CDH5: variants seen among roughly 807,000 people sequenced by gnomAD.
CDH5 encodes cadherin 5, also known as cadherin-5.
In CDH5, 28 loss-of-function variants were observed where a neutral mutation model predicts 62.0. The ratio of observed to expected loss-of-function variants is 0.45; its 90% confidence interval spans 0.33 to 0.62. The LOEUF is 0.62. Among genes scored for constraint, CDH5 ranks in the 20% least tolerant of loss-of-function variants. The pLI, the probability that CDH5 is intolerant of heterozygous loss-of-function variation, is 0.02. For missense variants in CDH5, 940 were observed against 1,065.1 expected, an observed-to-expected ratio of 0.88 and a Z score of 1.63; for synonymous variants, 464 against 445.8, an observed-to-expected ratio of 1.04 and a Z score of -0.52.
chr16:66,392,753 C>G (rs1453764373), intron 7 of CDH5: 1 of 224,210 alleles, frequency 4.5e-6, no homozygotes, highest in African/African-American at 2.2e-5. Context: ...TTGAATCTAT[C>G]TTCCCCAAAC....
chr16:66,392,114 A>G (rs1328340033), intron 6 of CDH5, 22 bp from the exon 7 acceptor site: 1 of 1,613,704 alleles, frequency 6.2e-7, no homozygotes, highest in Non-Finnish European at 8.5e-7. Context: ...GCAGGCACTC[A>G]CCATCCTTTT....
In CDH5 at chr16:66,392,425, G is replaced by A. The variant is rs953888898; in HGVS notation, c.1217+42G>A. The stretch of plus-strand genomic sequence containing the variant: ...CGATGAGAATGATAAGGACAATCCG[G>A]CCTGGATGTTCCTATGCCTGCTGGT... On this transcript the variant is annotated intron_variant, in intron 7 of 11. Coordinates refer to ENST00000341529, the MANE Select transcript of CDH5 (RefSeq NM_001795.5). 1.2e-5 allele frequency: 19 copies of A among 1,608,680 alleles called. 1 individual carries two copies. Among genetic ancestry groups the A allele is most frequent in the Admixed American group, 5.0e-5 (3 of 59,904 alleles).
At chr16:66,375,886 C>T (rs1270421398) in intron 1 of CDH5, among the ~76,000 whole-genome samples, 4 of 151,510 alleles carry the variant, frequency 2.6e-5, no homozygotes, top group Non-Finnish European at 4.4e-5. Flanking sequence ...CGCGGCGGAT[C>T]GCCTGAGGTC....
chr16:66,402,495 CA>C (rs1961302469), intron 11 of CDH5, among the ~76,000 whole-genome samples, 156 bp from the exon 12 acceptor site: 1 of 103,126 alleles, frequency 9.7e-6, no homozygotes, highest in East Asian at 3.0e-4. Context: ...GAAGGGGGGC[CA>C]AAAGGATGGG....
intron 5 of CDH5, among the ~76,000 whole-genome samples, chr16:66,390,077 G>T (rs1048630400): frequency 2.6e-5 from 4 of 152,198 alleles, no homozygotes; most frequent in Non-Finnish European, 4.4e-5. Context: ...CTAGAGACAG[G>T]CCAATTGTCC....
rs184642597 is a variant in CDH5, at chr16:66,387,054, G to T, written c.456G>T (p.Thr152=). 1.2e-6 allele frequency: 2 copies of T among 1,614,058 alleles called. No individual in the cohort carries two copies. The highest frequency in any genetic ancestry group is 2.2e-5 in the South Asian group (2 of 91,066). Residue 152 remains threonine (T), a synonymous_variant, in exon 3 of 12, where the codon ACG becomes ACT. Coordinates refer to ENST00000341529, the MANE Select transcript of CDH5 (RefSeq NM_001795.5). ...HDVNDNWPVF[T]HRLFNASVPE... Reference sequence around the variant, plus strand: ...TGAACGACAACTGGCCTGTGTTCACGCATCGGTTGTTCAATGCGTCCGTGC... The same window carrying T: ...TGAACGACAACTGGCCTGTGTTCACTCATCGGTTGTTCAATGCGTCCGTGC...
At position 66,403,146 on chromosome 16, in the gene CDH5, C is replaced by A. The variant is rs773256822; in HGVS notation, c.2332C>A (p.Pro778Thr). The A allele has an allele frequency of 1.2e-6, 2 of 1,612,228 alleles. No individual in the cohort carries two copies. Among genetic ancestry groups the A allele is most frequent in the Non-Finnish European group, 1.7e-6 (2 of 1,179,624 alleles). ...GCTGGCTGAGCTGTACGGCTCGGAC[C>A]CCCGGGAGGAGCTGCTGTATTAGGC... ...KMLAELYGSD[P>T]REELLY is the part of the protein sequence containing the mutation. The change falls in exon 12 of 12, where the codon CCC becomes ACC. Residue 778 changes from proline (P) to threonine (T), a missense_variant. By Grantham distance (38) the Pro-to-Thr change is conservative. Coordinates refer to ENST00000341529, the MANE Select transcript of CDH5 (RefSeq NM_001795.5). This position sits in a 1 kb window ranked among gnomAD's most constrained non-coding sequence, Gnocchi z 4.3.
rs1253882421 is a variant in CDH5, at chr16:66,401,032, G to A, written c.1837+16G>A. 2 of 1,613,656 alleles carry A rather than the reference G, an allele frequency of 1.2e-6. No homozygotes were observed. The highest frequency in any genetic ancestry group is 2.2e-5 in the East Asian group (1 of 44,882). On this transcript the variant is annotated intron_variant, in intron 11 of 11. Coordinates refer to ENST00000341529, the MANE Select transcript of CDH5 (RefSeq NM_001795.5). ...ACCATCACAGGTCAGTGCTGGGCAG[G>A]GTGGGGAGAAGACACAGTGGGTGGA... is the stretch of plus-strand genomic sequence containing the variant.
chr16:66,399,859 A>G (rs942105737), intron 10 of CDH5, among the ~76,000 whole-genome samples: 3 of 152,262 alleles, frequency 2.0e-5, no homozygotes, highest in Non-Finnish European at 4.4e-5. Context: ...AATATAATAG[A>G]CTTAATGCTG....
At position 66,384,784 on chromosome 16, in the gene CDH5, G is replaced by T. The variant is rs182366243; in HGVS notation, c.211-2025G>T. The stretch of plus-strand genomic sequence containing the variant: ...AGTTTGAGACCAGCCTGGCCAACAT[G>T]GTGAAACCCTGTCTCTACTAAAAAT... On this transcript the variant is annotated intron_variant, in intron 2 of 11. Transcript: ENST00000341529. Among the ~76,000 whole-genome samples, 842 of 151,830 alleles carry T rather than the reference G, an allele frequency of 5.5e-3. 12 individuals are homozygous for T. The highest frequency in any genetic ancestry group is 0.02 in the African/African-American group (818 of 41,412).
At chr16:66,371,349 C>A (rs1960685766) in intron 1 of CDH5, among the ~76,000 whole-genome samples, 1 of 152,150 alleles carries the variant, frequency 6.6e-6, no homozygotes, top group African/African-American at 2.4e-5. Context: ...AGCAGGCACA[C>A]CTCCTGCATG....
rs1961311817 is a variant in CDH5 at position 66,402,785 on chromosome 16, C to G, written c.1971C>G (p.Ser657Arg). The G allele has an allele frequency of 6.2e-7, 1 of 1,606,388 alleles. No homozygotes were observed. The highest frequency in any genetic ancestry group is 1.3e-5 in the African/African-American group (1 of 74,848). The change falls in exon 12 of 12, where the codon AGC (serine) becomes AGG (arginine). Residue 657 changes from serine (S) to arginine (R), a missense_variant. Transcript: ENST00000341529. Reference protein sequence around the residue: ...EEGGGEMDTTSYDVSVLNSVR... With the variant: ...EEGGGEMDTTRYDVSVLNSVR... ...GCGGCGGCGAGATGGACACCACCAG[C>G]TACGATGTGTCGGTGCTCAACTCGG...
chr16:66,392,430 G>A (rs1961105310), intron 7 of CDH5, 47 bp downstream of exon 7: 1 of 1,607,394 alleles, frequency 6.2e-7, no homozygotes, highest in Non-Finnish European at 8.5e-7. Context: ...ATCCGGCCTG[G>A]ATGTTCCTAT....
intron 8 of CDH5, among the ~76,000 whole-genome samples, chr16:66,397,737 G>GC (rs1340835123): frequency 6.6e-6 from 1 of 151,800 alleles, no homozygotes; most frequent in African/African-American, 2.4e-5. Context: ...TTTTTTTAAT[G>GC]CACTTAGGTG....
Position 66,390,666 on chromosome 16 carries a change from G to T in CDH5, c.969+76G>T, listed in dbSNP as rs1050167820. The T allele has an allele frequency of 2.2e-6, 3 of 1,388,938 alleles. No homozygotes were observed. The African/African-American group carries it at 4.2e-5, about 20-fold the overall frequency. 86.0% of individuals were successfully genotyped at this position (1,388,938 alleles called of 1,614,324 possible). On this transcript the variant is annotated intron_variant, in intron 6 of 11. Transcript: ENST00000341529. ...CACCCACAGGTCCTGCTTGGGGATT[G>T]CTCCTGGGCCAGAGACCATCAAAGG...
chr16:66,371,383 C>T (rs976199653), intron 1 of CDH5, among the ~76,000 whole-genome samples: 6 of 152,122 alleles, frequency 3.9e-5, no homozygotes, highest in African/African-American at 1.4e-4. Context: ...CCTCCCAGCG[C>T]CCTGCCCCTC....
chr16:66,389,584 G>T (rs1475595497), intron 5 of CDH5, 62 bp downstream of exon 5: 2 of 1,373,900 alleles, frequency 1.5e-6, no homozygotes, highest in Non-Finnish European at 2.0e-6. Context: ...CAGTGACTTG[G>T]GGCTCTGGGA....
chr16:66,367,113 C>T (rs888160433), intron 1 of CDH5, among the ~76,000 whole-genome samples: 6 of 152,252 alleles, frequency 3.9e-5, no homozygotes, highest in Admixed American at 2.6e-4. Flanking sequence ...GGGCAGAGGA[C>T]TGGCACCCAG....
At position 66,379,384 on chromosome 16, in the gene CDH5, G is replaced by T. The variant is rs1436081136; in HGVS notation, c.47G>T (p.Gly16Val). Residue 16 changes from glycine (G) to valine (V), a missense_variant, in exon 2 of 12, where the codon GGC becomes GTC. Coordinates refer to ENST00000341529, the MANE Select transcript of CDH5 (RefSeq NM_001795.5). ...MLLATSGACL[G>V]LLAVAAVAAA... ...CTCGCCACATCGGGCGCCTGCCTGG[G>T]CCTGCTGGCAGTGGCAGCAGTGGCA... 1 of 1,613,796 alleles carries T rather than the reference G, an allele frequency of 6.2e-7. No individual in the cohort carries two copies. The highest frequency in any genetic ancestry group is 8.5e-7 in the Non-Finnish European group (1 of 1,179,908).
Sources: gnomAD v4.1 joint callset for allele counts (sites outside exome capture counted in the v4.1 genomes callset) on GRCh38, gnomAD v4.1.1 for gene constraint, Gnocchi (gnomAD v3.1) non-coding constraint, MANE v1.5 for transcripts, NCBI Gene and HGNC (gene_info 2026-07-23, HGNC 2026-07-21) for gene names.